IL1RAPL2: variants seen among roughly 807,000 people sequenced by gnomAD.
IL1RAPL2 encodes the protein interleukin 1 receptor accessory protein like 2, also known as X-linked interleukin-1 receptor accessory protein-like 2.
IL1RAPL2 carries 3 observed loss-of-function variants against 44.1 expected under a neutral mutation model. The ratio of observed to expected loss-of-function variants is 0.07; its 90% CI spans 0.03 to 0.18. The LOEUF is 0.18. Among genes scored for constraint, IL1RAPL2 ranks in the 10% least tolerant of loss-of-function variants. The probability of loss-of-function intolerance (pLI) is 1.00; values close to 1 mark genes in which losing one functional copy is unlikely to be tolerated. For synonymous variants in IL1RAPL2, 181 were observed against 178.8 expected (o/e 1.01, Z -0.10); for missense variants, 391 against 496.4 (o/e 0.79, Z 2.02).
intron 6 of IL1RAPL2, among the ~76,000 whole-genome samples, chrX:105,587,740 T>A (rs1425360989): frequency 1.8e-5 from 2 of 112,061 alleles, no homozygotes; most frequent in African/African-American, 6.5e-5. Context: ...TGAAAATATG[T>A]TTTTTAAAAA....
chrX:104,970,854 G>C (rs1236324514), intron 2 of IL1RAPL2, among the ~76,000 whole-genome samples: 1 of 111,996 alleles, frequency 8.9e-6, no homozygotes, highest in Non-Finnish European at 1.9e-5. Context: ...CCTACCACCA[G>C]AGGAATAAAA....
intron 2 of IL1RAPL2, among the ~76,000 whole-genome samples, chrX:104,891,443 C>T (rs1038672022): frequency 8.9e-6 from 1 of 111,966 alleles, no homozygotes; most frequent in Non-Finnish European, 1.9e-5. Context: ...ATGGAATGTT[C>T]TTCCATTTGT....
At chrX:105,051,304 G>T (rs892141129) in intron 2 of IL1RAPL2, among the ~76,000 whole-genome samples, 15 of 59 alleles carry the variant, frequency 0.25, no homozygotes, top group South Asian at 0.33. Context: ...GGTCATGTCT[G>T]CCCCTGAGGT....
intron 5 of IL1RAPL2, among the ~76,000 whole-genome samples, chrX:105,409,271 T>C: frequency 9.0e-6 from 1 of 110,656 alleles, no homozygotes; most frequent in African/African-American, 3.4e-5. Flanking sequence ...TTGAAGTTTT[T>C]GAAAGCACAT....
At chrX:104,912,807 C>G (rs945206228) in intron 2 of IL1RAPL2, among the ~76,000 whole-genome samples, 14 of 111,619 alleles carry the variant, frequency 1.3e-4, no homozygotes, top group African/African-American at 4.6e-4. Flanking sequence ...GATCACATAG[C>G]AAGGGTGTGT....
chrX:104,831,665 T>C (rs1921611328), intron 2 of IL1RAPL2, among the ~76,000 whole-genome samples: 1 of 112,052 alleles, frequency 8.9e-6, no homozygotes, highest in African/African-American at 3.2e-5. Context: ...TTAAATATTA[T>C]GCATTTATTC....
chrX:105,199,833 G>A (rs1556144630), intron 3 of IL1RAPL2, among the ~76,000 whole-genome samples: 1 of 112,372 alleles, frequency 8.9e-6, no homozygotes, highest in Non-Finnish European at 1.9e-5. Context: ...TACCTCTCAT[G>A]TGTGCCTTAG....
At chrX:105,063,810 G>T (rs188584787) in intron 2 of IL1RAPL2, among the ~76,000 whole-genome samples, 1 of 112,039 alleles carries the variant, frequency 8.9e-6, no homozygotes, top group Non-Finnish European at 1.9e-5. Flanking sequence ...ATACCACCTT[G>T]GTGGTCTTGG....
chrX:104,909,952 C>G (rs951703591), intron 2 of IL1RAPL2, among the ~76,000 whole-genome samples: 19 of 112,567 alleles, frequency 1.7e-4, no homozygotes, highest in Non-Finnish European at 3.6e-4. Flanking sequence ...CTCCGCCAGC[C>G]TCGCTGACGC....
intron 6 of IL1RAPL2, among the ~76,000 whole-genome samples, chrX:105,584,977 T>C (rs1015262513): frequency 1.8e-5 from 2 of 111,026 alleles, no homozygotes; most frequent in African/African-American, 6.5e-5. Context: ...TCCTTTTAGA[T>C]CACTATTTTT....
At position 104,890,566 on chromosome X, in the gene IL1RAPL2, T is replaced by C. The variant is rs191740467; in HGVS notation, c.82+231571T>C. On this transcript the variant is annotated intron_variant, in intron 2 of 10. Transcript: ENST00000372582. ...ATGGCCAGTGATGATGAGCATGTTT[T>C]CATGGGTCTGTTGGATGCATAAATG... Among the ~76,000 whole-genome samples the C allele has an allele frequency of 1.7e-4, 19 of 112,689 alleles. No individual in the cohort carries two copies. In the East Asian group the frequency reaches 5.3e-3, roughly 31 times the overall value.
intron 2 of IL1RAPL2, among the ~76,000 whole-genome samples, chrX:105,110,790 A>G (rs1453654716): frequency 9.0e-6 from 1 of 110,628 alleles, no homozygotes; most frequent in Non-Finnish European, 1.9e-5. Flanking sequence ...TACAAAAATT[A>G]GCTGGGCATG....
rs182879854 is a variant in IL1RAPL2, at chrX:105,136,420, C to T, written c.83-59055C>T. ...GCCATAAATATCCTCCACAAAGGCA[C>T]GTGTAAATGTGATCATATTTTCGTG... is the stretch of plus-strand genomic sequence containing the variant. On this transcript the variant is annotated intron_variant, in intron 2 of 10. Coordinates refer to ENST00000372582, the MANE Select transcript of IL1RAPL2 (RefSeq NM_017416.2). 1.8e-3 allele frequency among the ~76,000 whole-genome samples: 207 copies of T among 112,153 alleles called. 1 individual carries two copies. The highest frequency in any genetic ancestry group is 5.9e-3 in the African/African-American group (181 of 30,931).
intron 2 of IL1RAPL2, among the ~76,000 whole-genome samples, chrX:104,950,715 G>T (rs867692313): frequency 1.8e-4 from 18 of 99,117 alleles, no homozygotes; most frequent in East Asian, 9.3e-4. Context: ...TTTTGTTTTT[G>T]TTTTTTTTTT....
chrX:105,406,904 C>T (rs761117097), intron 5 of IL1RAPL2: 133 of 1,142,082 alleles, frequency 1.2e-4, no homozygotes, highest in Admixed American at 3.7e-4. Flanking sequence ...CTCAGAGGAG[C>T]AACTCTGGCA....
intron 2 of IL1RAPL2, among the ~76,000 whole-genome samples, chrX:105,041,100 A>T (rs1172106308): frequency 3.8e-5 from 4 of 105,895 alleles, no homozygotes; most frequent in Non-Finnish European, 7.8e-5. Flanking sequence ...GTTGGTTTCA[A>T]AGAACATCTT....
intron 2 of IL1RAPL2, among the ~76,000 whole-genome samples, chrX:104,790,699 T>G (rs2147607622): frequency 8.9e-6 from 1 of 112,051 alleles, no homozygotes; most frequent in African/African-American, 3.2e-5. Flanking sequence ...AAAAATCACC[T>G]ATTATAATTT....
chrX:105,601,925 G>A lies in IL1RAPL2; in HGVS notation c.773-115442G>A, dbSNP rs761473157. On this transcript the variant is annotated intron_variant, in intron 6 of 10. Coordinates refer to ENST00000372582, the MANE Select transcript of IL1RAPL2 (RefSeq NM_017416.2). Reference sequence around the variant, plus strand: ...TAGCATCCTATACCCCAAGTAGAACGTAATCCAGCATAGCAGGGAGGCTGC... The same window carrying A: ...TAGCATCCTATACCCCAAGTAGAACATAATCCAGCATAGCAGGGAGGCTGC... Among the ~76,000 whole-genome samples, 4 of 110,864 alleles carry A rather than the reference G, an allele frequency of 3.6e-5. No individual in the cohort carries two copies. In the East Asian group the frequency reaches 1.1e-3, roughly 32 times the overall value.
chrX:105,001,628 A>G (rs1215501910), intron 2 of IL1RAPL2, among the ~76,000 whole-genome samples: 3 of 111,672 alleles, frequency 2.7e-5, no homozygotes, highest in Non-Finnish European at 5.7e-5. Flanking sequence ...AAACAGACTC[A>G]AGAATATTTA....
Sources: gnomAD v4.1 joint callset for allele counts (sites outside exome capture counted in the v4.1 genomes callset) on GRCh38, gnomAD v4.1.1 for gene constraint, MANE v1.5 for transcripts, NCBI Gene and HGNC (gene_info 2026-07-23, HGNC 2026-07-21) for gene names.